CHD5: variants seen among roughly 807,000 people sequenced by gnomAD.
CHD5 encodes the protein ATP-dependent chromatin remodeler CHD5.
In CHD5, 69 loss-of-function variants were observed where a neutral mutation model predicts 230.3. That is an observed-to-expected ratio of 0.30 (90% CI 0.25 to 0.37). The LOEUF (loss-of-function observed/expected upper bound fraction) is 0.37. Ranked by LOEUF, CHD5 falls within the 10% of genes least tolerant of loss-of-function variation. The pLI is 1.00. For missense variants in CHD5, 1,827 were observed against 2,622.8 expected (o/e 0.70, Z 6.63); for synonymous variants, 1,064 against 1,065.9 (o/e 1.00, Z 0.03).
intron 15 of CHD5, among the ~76,000 whole-genome samples, chr1:6,138,758 G>T (rs1666782856): frequency 6.6e-6 from 1 of 152,182 alleles, no homozygotes; most frequent in South Asian, 2.1e-4. Flanking sequence ...TCCACTTCTG[G>T]GTGTATACCC....
chr1:6,169,242 C>T (rs927827455), intron 1 of CHD5, among the ~76,000 whole-genome samples: 1 of 152,210 alleles, frequency 6.6e-6, no homozygotes. Flanking sequence ...CGCACTCCCC[C>T]ACCTCCAACA....
intron 2 of CHD5, among the ~76,000 whole-genome samples, chr1:6,165,093 G>A (rs574554772): frequency 6.6e-6 from 1 of 152,012 alleles, no homozygotes; most frequent in East Asian, 1.9e-4. Flanking sequence ...CGGGAGGGAA[G>A]ACCTGGGCCA....
At chr1:6,161,625 G>A (rs1040795778) in intron 2 of CHD5, among the ~76,000 whole-genome samples, 1 of 152,186 alleles carries the variant, frequency 6.6e-6, no homozygotes, top group African/African-American at 2.4e-5. Context: ...GCTGGGCCCT[G>A]GAGCCACGGC....
At chr1:6,113,351 G>A in intron 33 of CHD5, 1 of 443,624 alleles carries the variant, frequency 2.3e-6, no homozygotes, top group South Asian at 1.6e-5. Context: ...TTGAGCCGAG[G>A]AGATAAAGGC....
Position 6,125,426 on chromosome 1 carries a change from C to A in CHD5, c.4260+98G>T. The A allele has an allele frequency of 7.3e-7, 1 of 1,378,152 alleles. No individual in the cohort carries two copies. Among genetic ancestry groups the A allele is most frequent in the Non-Finnish European group, 1.0e-6 (1 of 999,730 alleles). The allele number at this position is 1,378,152 out of a possible 1,614,324, so 85.4% of individuals were successfully genotyped here. ...AGTTCTGTCCAAGCTCCGCCTCTAC[C>A]TGGCATGAGACCCGGGGCAGTCCCC... On this transcript the variant is annotated intron_variant, in intron 28 of 41. Transcript: ENST00000262450. This position sits in a 1 kb window ranked among gnomAD's most constrained non-coding sequence, Gnocchi z 6.7.
intron 25 of CHD5, among the ~76,000 whole-genome samples, 177 bp downstream of exon 25, chr1:6,127,869 C>G (rs1271534298): frequency 5.3e-5 from 8 of 151,562 alleles, no homozygotes; most frequent in Admixed American, 5.2e-4. Context: ...GCGGAGCACA[C>G]GCTGGAGTGC....
In CHD5 at chr1:6,130,739, AG is replaced by A. The variant is rs762277064; in HGVS notation, c.3263-412del. On this transcript the variant is annotated intron_variant, in intron 21 of 41. Coordinates refer to ENST00000262450, the MANE Select transcript of CHD5 (RefSeq NM_015557.3). This position sits in a 1 kb window ranked among gnomAD's most constrained non-coding sequence, Gnocchi z 4.9. ...CTGCCAGGGCAGCCCGGGAAAACTC[AG>A]GGGCGCAGCTCCGGGACCTGGGGTC... Among the ~76,000 whole-genome samples the A allele has an allele frequency of 1.2e-4, 19 of 152,306 alleles. No individual in the cohort carries two copies. In the East Asian group the frequency reaches 1.5e-3, roughly 12 times the overall value.
intron 2 of CHD5, among the ~76,000 whole-genome samples, chr1:6,166,228 T>C (rs759141289): frequency 4.4e-5 from 6 of 137,140 alleles, no homozygotes; most frequent in Admixed American, 2.2e-4. Flanking sequence ...CACACGTGTG[T>C]GCACGGAGGA....
intron 33 of CHD5, chr1:6,113,434 A>C (rs1014100654): frequency 1.2e-5 from 4 of 329,360 alleles, no homozygotes; most frequent in Non-Finnish European, 2.5e-5. Context: ...AAAAAAAAAC[A>C]GCACACAGAA....
chr1:6,111,741 A>C, intron 36 of CHD5, 34 bp downstream of exon 36: 1 of 1,567,156 alleles, frequency 6.4e-7, no homozygotes, highest in Non-Finnish European at 8.8e-7. Flanking sequence ...AGGAACGGGC[A>C]AGTCCCTGCC....
rs372357329 is a variant in CHD5 at position 6,134,511 on chromosome 1, G to A, written c.3012+207C>T. Among the ~76,000 whole-genome samples the A allele has an allele frequency of 1.3e-5, 2 of 152,290 alleles. No homozygotes were observed. Among genetic ancestry groups the A allele is most frequent in the East Asian group, 3.9e-4 (2 of 5,164 alleles). Reference sequence around the variant, plus strand: ...GCCGCACCAGCCCTACCACAGCAGCGGGTTCCACGGTAAGTTCCCCAGCAC... The same window carrying A: ...GCCGCACCAGCCCTACCACAGCAGCAGGTTCCACGGTAAGTTCCCCAGCAC... On this transcript the variant is annotated intron_variant, in intron 19 of 41. Transcript: ENST00000262450. The surrounding 1 kb of genome is among the most constrained non-coding windows in gnomAD (Gnocchi z 6.3).
chr1:6,103,004 C>G lies in CHD5; in HGVS notation c.*2470G>C, dbSNP rs568706312. On this transcript the variant is annotated 3_prime_UTR_variant, in exon 42 of 42. Coordinates refer to ENST00000262450, the MANE Select transcript of CHD5 (RefSeq NM_015557.3). ...CAATCGCAGACTGGCACTTTGGGCT[C>G]GCGTTCATGCCCGAGGACCCTGATT... is the stretch of plus-strand genomic sequence containing the variant. 6.6e-6 allele frequency: 1 copy of G among 152,532 alleles called. No individual in the cohort carries two copies. The highest frequency in any genetic ancestry group is 2.1e-4 in the South Asian group (1 of 4,822). 9.4% of individuals were successfully genotyped at this position (152,532 alleles called of 1,614,324 possible).
chr1:6,165,734 A>C (rs545243638), intron 2 of CHD5, among the ~76,000 whole-genome samples: 1 of 152,082 alleles, frequency 6.6e-6, no homozygotes, highest in South Asian at 2.1e-4. Flanking sequence ...ACAGCAGCAG[A>C]AGAGGAGGGC....
chr1:6,128,021 A>G lies in CHD5; in HGVS notation c.3903+25T>C, dbSNP rs749247368. The G allele has an allele frequency of 1.2e-4, 188 of 1,544,444 alleles. 2 individuals carry two copies. In the Middle Eastern group the frequency reaches 1.3e-3, roughly 11 times the overall value. ...CTGCGGATGGAGGGCGGGGCTGCGGATGGAGGGCGGGCCGGGGACCTTACC... is the reference window on the plus strand; with the variant it reads ...CTGCGGATGGAGGGCGGGGCTGCGGGTGGAGGGCGGGCCGGGGACCTTACC... On this transcript the variant is annotated intron_variant, in intron 25 of 41. Transcript: ENST00000262450. The surrounding 1 kb of genome is among the most constrained non-coding windows in gnomAD (Gnocchi z 7.8).
intron 1 of CHD5, among the ~76,000 whole-genome samples, chr1:6,172,232 C>T (rs1336283778): frequency 1.3e-5 from 2 of 152,244 alleles, no homozygotes; most frequent in Admixed American, 1.3e-4. Flanking sequence ...ATACCACCTG[C>T]CAGGCTCGTG....
At position 6,150,886 on chromosome 1, in the gene CHD5, G is replaced by C. The variant is rs189561534; in HGVS notation, c.994+146C>G. On this transcript the variant is annotated intron_variant, in intron 7 of 41. Transcript: ENST00000262450. Reference sequence around the variant, plus strand: ...GGGGCCCCACCTGGCTGAGACATGAGGATGCCCTCCCCCTGCTTCCCACGG... The same window carrying C: ...GGGGCCCCACCTGGCTGAGACATGACGATGCCCTCCCCCTGCTTCCCACGG... 1.4e-3 allele frequency: 1,455 copies of C among 1,063,860 alleles called. 12 individuals are homozygous for C. The African/African-American group carries it at 0.021, about 15-fold the overall frequency. 65.9% of individuals were successfully genotyped at this position (1,063,860 alleles called of 1,614,324 possible).
In CHD5 at chr1:6,151,017, G is replaced by C. The variant is rs1241207508; in HGVS notation, c.994+15C>G. 5.2e-6 allele frequency: 8 copies of C among 1,532,874 alleles called. No individual in the cohort carries two copies. The highest frequency in any genetic ancestry group is 6.2e-6 in the Non-Finnish European group (7 of 1,131,260). The allele number at this position is 1,532,874 out of a possible 1,614,324, so 95.0% of individuals were successfully genotyped here. A position where few individuals can be genotyped will look rare whatever the true frequency, so the allele number is the denominator to read the frequency against. On this transcript the variant is annotated intron_variant, in intron 7 of 41. Transcript: ENST00000262450. The stretch of plus-strand genomic sequence containing the variant: ...CACCCAGCAGGCCAAGAACTCTCTG[G>C]AAGGGGAGTCATACTCCTCTTCTTC...
rs889024636 is a variant in CHD5 at position 6,142,944 on chromosome 1, G to A, written c.2044-339C>T. ...TGCCTCCTCTTGAGTACCACACAGT[G>A]CCTGGGACATGTGGTCACTTACTCA... On this transcript the variant is annotated intron_variant, in intron 13 of 41. Transcript: ENST00000262450. This position sits in a 1 kb window ranked among gnomAD's most constrained non-coding sequence, Gnocchi z 5.2. 6.6e-6 allele frequency among the ~76,000 whole-genome samples: 1 copy of A among 152,194 alleles called. No individual in the cohort carries two copies.
At position 6,103,525 on chromosome 1, in the gene CHD5, G is replaced by A. The variant is rs968098935; in HGVS notation, c.*1949C>T. The A allele has an allele frequency of 1.3e-5, 2 of 152,452 alleles. No homozygotes were observed. The highest frequency in any genetic ancestry group is 4.8e-5 in the African/African-American group (2 of 41,476). 9.4% of individuals were successfully genotyped at this position (152,452 alleles called of 1,614,324 possible). On this transcript the variant is annotated 3_prime_UTR_variant, in exon 42 of 42. Transcript: ENST00000262450. ...AAGGAAGGTGGGCACTGCTCCCAACGAGGGCCAACCCCAGTGCTTGCCACT... is the reference window on the plus strand; with the variant it reads ...AAGGAAGGTGGGCACTGCTCCCAACAAGGGCCAACCCCAGTGCTTGCCACT...
Sources: allele counts gnomAD v4.1 joint callset (sites outside exome capture counted in the v4.1 genomes callset), GRCh38; gene constraint gnomAD v4.1.1; non-coding constraint Gnocchi (gnomAD v3.1); transcripts MANE v1.5; gene names NCBI Gene and HGNC (gene_info 2026-07-23, HGNC 2026-07-21).